C12orf42: variants seen among roughly 807,000 people sequenced by gnomAD.
The protein encoded by C12orf42 is uncharacterized protein C12orf42.
Under a neutral mutation model 21.6 loss-of-function variants are expected in C12orf42, and 25 were observed. The ratio of observed to expected loss-of-function variants is 1.16; its 90% CI spans 0.84 to 1.62. The LOEUF is 1.62. Ranked by LOEUF, C12orf42 falls within the 40% of genes most tolerant of loss-of-function variation. C12orf42 has a pLI of 0.00. For missense variants in C12orf42, 483 were observed against 459.3 expected (o/e 1.05, Z -0.47); for synonymous variants, 174 against 175.0 (o/e 0.99, Z 0.05).
downstream of C12orf42, among the ~76,000 whole-genome samples, chr12:103,264,794 C>G (rs951698557): frequency 2.6e-5 from 4 of 152,116 alleles, no homozygotes; most frequent in African/African-American, 7.2e-5. Flanking sequence ...GGAACACACT[C>G]CAGTCATATA....
At chr12:103,213,134 G>A in the C12orf42 span, among the ~76,000 whole-genome samples, 1 of 152,032 alleles carries the variant, frequency 6.6e-6, no homozygotes, top group African/African-American at 2.4e-5. Flanking sequence ...ACAATCAAAG[G>A]CAGTATTGCT....
At chr12:103,301,893 A>C, downstream of C12orf42, 1 of 566,230 alleles carries the variant, frequency 1.8e-6, no homozygotes. Context: ...ACACTGGGAG[A>C]CACCGCAGAA....
the C12orf42 span, among the ~76,000 whole-genome samples, chr12:103,088,793 C>T: frequency 6.6e-6 from 1 of 152,132 alleles, no homozygotes; most frequent in Non-Finnish European, 1.5e-5. Flanking sequence ...TGGAGAGATC[C>T]GTGCAGTGAG....
At chr12:103,294,463 A>AAAGAAAGAAAGAAAGAAAG (rs1555245954) in intron 4 of C12orf42, among the ~76,000 whole-genome samples, 23 of 134,218 alleles carry the variant, frequency 1.7e-4, no homozygotes, top group African/African-American at 6.2e-4. Context: ...AGAAAGAAAG[A>AAAGAAAGAAAGAAAGAAAG]AAGAAAGAAA....
rs1439318655 is a variant in C12orf42, at chr12:103,433,016, C to T, written c.79-31341G>A. On this transcript the variant is annotated intron_variant, in intron 2 of 5. Transcript: ENST00000548883. ...ACCATAAAGAAAAAGCAACCCGAAGCACAGGACTCCCAGTGAAATATAAAC... is the reference window on the plus strand; with the variant it reads ...ACCATAAAGAAAAAGCAACCCGAAGTACAGGACTCCCAGTGAAATATAAAC... 4.6e-5 allele frequency among the ~76,000 whole-genome samples: 7 copies of T among 152,284 alleles called. No homozygotes were observed. The East Asian group carries it at 1.4e-3, about 29-fold the overall frequency.
chr12:103,213,977 A>C, the C12orf42 span, among the ~76,000 whole-genome samples: 1 of 152,234 alleles, frequency 6.6e-6, no homozygotes, highest in South Asian at 2.1e-4. Flanking sequence ...TGTTTGTTCA[A>C]CAATGATCAG....
the C12orf42 span, among the ~76,000 whole-genome samples, chr12:103,129,956 T>A: frequency 6.6e-6 from 1 of 152,160 alleles, no homozygotes; most frequent in East Asian, 1.9e-4. Flanking sequence ...CCCATGCAAA[T>A]TTCCAGGATA....
At chr12:103,223,981 G>C in the C12orf42 span, among the ~76,000 whole-genome samples, 1 of 152,282 alleles carries the variant, frequency 6.6e-6, no homozygotes, top group East Asian at 1.9e-4. Context: ...CTGAAAAACT[G>C]CTTGGCTGAT....
the C12orf42 span, among the ~76,000 whole-genome samples, chr12:103,513,511 A>G: frequency 6.6e-6 from 1 of 152,204 alleles, no homozygotes; most frequent in Non-Finnish European, 1.5e-5. Context: ...TGCAAATGAA[A>G]AAGTCCTGAT....
At chr12:103,426,134 T>C (rs1949790374) in intron 2 of C12orf42, among the ~76,000 whole-genome samples, 1 of 152,146 alleles carries the variant, frequency 6.6e-6, no homozygotes, top group Non-Finnish European at 1.5e-5. Flanking sequence ...AGAAGTAGGC[T>C]TCAGAAGGTG....
chr12:103,323,607 C>G (rs1230198596), intron 4 of C12orf42, among the ~76,000 whole-genome samples: 1 of 152,176 alleles, frequency 6.6e-6, no homozygotes, highest in Non-Finnish European at 1.5e-5. Context: ...AGTTTACAAA[C>G]TTAAAGAAAG....
intron 4 of C12orf42, among the ~76,000 whole-genome samples, chr12:103,322,040 T>C (rs7954263): frequency 0.089 from 13,479 of 151,796 alleles, 596 homozygotes; most frequent in East Asian, 0.18. Context: ...AAATTTCTGG[T>C]TGGCAATGCA....
chr12:103,214,084 A>T, the C12orf42 span, among the ~76,000 whole-genome samples: 2 of 152,230 alleles, frequency 1.3e-5, no homozygotes, highest in Non-Finnish European at 2.9e-5. Flanking sequence ...AGCACTTTGT[A>T]TGTAATACCC....
intron 2 of C12orf42, among the ~76,000 whole-genome samples, chr12:103,423,416 G>A (rs2050094988): frequency 6.6e-6 from 1 of 152,156 alleles, no homozygotes. Context: ...GAAATCTAGG[G>A]CCCAGCACTA....
chr12:103,179,800 G>A, the C12orf42 span, among the ~76,000 whole-genome samples: 2 of 152,180 alleles, frequency 1.3e-5, no homozygotes, highest in Non-Finnish European at 1.5e-5. Context: ...TCAGAATGAC[G>A]GATTTGGTGG....
At chr12:103,457,234 T>C (rs369579340) in intron 2 of C12orf42, among the ~76,000 whole-genome samples, 1 of 152,208 alleles carries the variant, frequency 6.6e-6, no homozygotes, top group East Asian at 1.9e-4. Context: ...TTCTGAAAGT[T>C]TGTCATTTGA....
chr12:103,074,086 T>A, the C12orf42 span, among the ~76,000 whole-genome samples: 3 of 152,164 alleles, frequency 2.0e-5, no homozygotes, highest in African/African-American at 4.8e-5. Context: ...TGGGCTTCTC[T>A]ACAGACAAAT....
chr12:103,305,246 C>G (rs1325409678), intron 5 of C12orf42, among the ~76,000 whole-genome samples: 2 of 152,092 alleles, frequency 1.3e-5, no homozygotes, highest in Non-Finnish European at 2.9e-5. Flanking sequence ...TACATGACAG[C>G]TCTTGGAATA....
intron 4 of C12orf42, among the ~76,000 whole-genome samples, chr12:103,328,724 G>A (rs937296796): frequency 6.6e-6 from 1 of 152,134 alleles, no homozygotes; most frequent in African/African-American, 2.4e-5. Flanking sequence ...TGACCTCTCA[G>A]AGCAGTAGGT....
Sources: allele counts gnomAD v4.1 joint callset (sites outside exome capture counted in the v4.1 genomes callset), GRCh38; gene constraint gnomAD v4.1.1; transcripts MANE v1.5; gene names NCBI Gene and HGNC (gene_info 2026-07-23, HGNC 2026-07-21).